Variants in DNAH14 observed in about 807,000 individuals in gnomAD.
The protein encoded by DNAH14 is dynein axonemal heavy chain 14.
A neutral mutation model predicts 520.9 loss-of-function variants in DNAH14; 478 were observed. The ratio of observed to expected loss-of-function variants is 0.92; its 90% CI spans 0.85 to 0.99. DNAH14 has a LOEUF of 0.99. Among genes scored for constraint, DNAH14 ranks in the 50% least tolerant of loss-of-function variants. The pLI, the probability that DNAH14 is intolerant of heterozygous loss-of-function variation, is 0.00. For synonymous variants in DNAH14, 1,581 were observed against 1,757.2 expected (o/e 0.90, Z 2.51); for missense variants, 4,831 against 5,234.5 (o/e 0.92, Z 2.38).
At chr1:225,060,171 C>G (rs2069826063) in intron 17 of DNAH14, among the ~76,000 whole-genome samples, 1 of 152,198 alleles carries the variant, frequency 6.6e-6, no homozygotes, top group Non-Finnish European at 1.5e-5. Flanking sequence ...TAGATTTGGT[C>G]TTTTCACATA....
At chr1:225,271,818 C>T (rs1353933658) in intron 50 of DNAH14, 88 bp from the exon 51 acceptor site, 2 of 1,006,330 alleles carry the variant, frequency 2.0e-6, no homozygotes, top group South Asian at 1.7e-5. Flanking sequence ...CATTATAGTA[C>T]ACAAGTCCGC....
chr1:225,291,454 T>C (rs908523172), intron 55 of DNAH14, among the ~76,000 whole-genome samples: 1 of 152,112 alleles, frequency 6.6e-6, no homozygotes, highest in Non-Finnish European at 1.5e-5. Context: ...TATTCCTCTG[T>C]CACCCAGGCT....
intron 69 of DNAH14, among the ~76,000 whole-genome samples, chr1:225,344,151 A>C (rs1056494240): frequency 6.6e-6 from 1 of 152,052 alleles, no homozygotes; most frequent in African/African-American, 2.4e-5. Flanking sequence ...TCTTGAAAAA[A>C]ACTAAATTAA....
intron 84 of DNAH14, chr1:225,397,820 C>G (rs190525064): frequency 0.01 from 1,594 of 152,186 alleles, 11 homozygotes; most frequent in Middle Eastern, 0.034. Context: ...CGAAGAGAGA[C>G]GGATCACTTG....
rs572693652 is a variant in DNAH14 at position 224,968,775 on chromosome 1, G to A, written c.668G>A (p.Gly223Asp). ...SFISKVINIV[G>D]SVKEVELIPT... ...ATTTTGTAGGTTATTAATATAGTTGGTAGTGTAAAGGAAGTAGAACTCATA... is the reference window on the plus strand; with the variant it reads ...ATTTTGTAGGTTATTAATATAGTTGATAGTGTAAAGGAAGTAGAACTCATA... The change falls in exon 7 of 86, where the codon GGT (glycine) becomes GAT (aspartate). Residue 223 changes from glycine to aspartate, a missense_variant. Physicochemically the swap from Gly to Asp is moderately conservative, Grantham distance 94. Coordinates refer to ENST00000682510, the MANE Select transcript of DNAH14 (RefSeq NM_001367479.1). 7 of 1,507,912 alleles carry A rather than the reference G, an allele frequency of 4.6e-6. No individual in the cohort carries two copies. The African/African-American group carries it at 7.1e-5, about 15-fold the overall frequency. The allele number at this position is 1,507,912 out of a possible 1,614,324, so 93.4% of individuals were successfully genotyped here.
chr1:225,012,788 C>T (rs770831383), intron 10 of DNAH14, among the ~76,000 whole-genome samples: 7 of 152,106 alleles, frequency 4.6e-5, no homozygotes, highest in African/African-American at 1.7e-4. Flanking sequence ...AGAAAGTTCT[C>T]GTGCTGTGTT....
At chr1:225,130,708 A>ATACC (rs58674559) in intron 27 of DNAH14, among the ~76,000 whole-genome samples, 9,806 of 143,990 alleles carry the variant, frequency 0.068, 1,296 homozygotes, top group African/African-American at 0.25. Context: ...ATTAGGAGAT[A>ATACC]TACCTAATGC....
intron 85 of DNAH14, 107 bp from the exon 86 acceptor site, chr1:225,398,947 T>A: frequency 1.1e-6 from 1 of 916,914 alleles, no homozygotes. Context: ...TAACCTTAAA[T>A]GTATCTAATT....
intron 11 of DNAH14, among the ~76,000 whole-genome samples, chr1:225,033,594 A>T (rs545331082): frequency 5.3e-5 from 8 of 151,818 alleles, no homozygotes; most frequent in African/African-American, 1.9e-4. Flanking sequence ...TTTTAAAATA[A>T]TTTTTTCTAG....
chr1:225,065,793 T>C (rs2070809915), intron 17 of DNAH14, among the ~76,000 whole-genome samples: 1 of 152,098 alleles, frequency 6.6e-6, no homozygotes, highest in African/African-American at 2.4e-5. Flanking sequence ...GTGTCCACAA[T>C]TGTCCATAAG....
At chr1:224,981,194 A>G (rs1421447503) in intron 8 of DNAH14, among the ~76,000 whole-genome samples, 2 of 152,094 alleles carry the variant, frequency 1.3e-5, no homozygotes, top group Non-Finnish European at 1.5e-5. Flanking sequence ...TAGCTAGTAT[A>G]TTGTTAAAGA....
In DNAH14 at chr1:225,240,816, C is replaced by G. The variant is rs1436645834; in HGVS notation, c.6742C>G (p.Gln2248Glu). ...TCATGAATTATTTGGAAACAGTTCACAAGTAGGTAAGTTCTGTGGGAAAAA... is the reference window on the plus strand; with the variant it reads ...TCATGAATTATTTGGAAACAGTTCAGAAGTAGGTAAGTTCTGTGGGAAAAA... ...LVHELFGNSS[Q>E]VGINLPTGEC... Residue 2248 changes from glutamine to glutamate, a missense_variant, in exon 43 of 86, where the codon CAA becomes GAA. Gln to Glu is a conservative substitution (Grantham distance 29, BLOSUM62 2). Coordinates refer to ENST00000682510, the MANE Select transcript of DNAH14 (RefSeq NM_001367479.1). The G allele has an allele frequency of 4.5e-6, 7 of 1,545,070 alleles. No homozygotes were observed. The highest frequency in any genetic ancestry group is 6.1e-6 in the Non-Finnish European group (7 of 1,141,952).
chr1:225,279,030 CTT>C (rs958047450), intron 54 of DNAH14, among the ~76,000 whole-genome samples: 5 of 152,192 alleles, frequency 3.3e-5, no homozygotes, highest in African/African-American at 1.2e-4. Context: ...AAATTTCACT[CTT>C]GTTACTCAGG....
intron 60 of DNAH14, among the ~76,000 whole-genome samples, chr1:225,310,607 C>T (rs1457493550): frequency 1.3e-5 from 2 of 152,110 alleles, no homozygotes; most frequent in African/African-American, 4.8e-5. Flanking sequence ...TAGACCCTCA[C>T]CCCCCGACAG....
Position 225,137,257 on chromosome 1 carries a change from A to T in DNAH14, c.4255-3511A>T, listed in dbSNP as rs1271411598. Reference sequence around the variant, plus strand: ...AGTGTTTTTGCATTTATTCCTTCTCATCTTTGTGGGCTTATCTACCTTTGA... The same window carrying T: ...AGTGTTTTTGCATTTATTCCTTCTCTTCTTTGTGGGCTTATCTACCTTTGA... On this transcript the variant is annotated intron_variant, in intron 27 of 85. Transcript: ENST00000682510. Among the ~76,000 whole-genome samples, 3 of 152,128 alleles carry T rather than the reference A, an allele frequency of 2.0e-5. No individual in the cohort carries two copies. In the East Asian group the frequency reaches 5.8e-4, roughly 29 times the overall value.
intron 21 of DNAH14, among the ~76,000 whole-genome samples, chr1:225,089,442 CAAAAAAAAA>C (rs1169182387): frequency 4.0e-4 from 12 of 29,898 alleles, no homozygotes; most frequent in South Asian, 1.4e-3. Context: ...AAAACTCCGT[CAAAAAAAAA>C]AAAAAAAAAA....
intron 37 of DNAH14, among the ~76,000 whole-genome samples, chr1:225,189,922 A>G (rs1292009443): frequency 6.6e-6 from 1 of 151,020 alleles, no homozygotes; most frequent in African/African-American, 2.4e-5. Context: ...TTCCTTCTTC[A>G]TTTCCTTTTC....
At chr1:225,029,306 T>A (rs2066363836) in intron 11 of DNAH14, among the ~76,000 whole-genome samples, 1 of 151,908 alleles carries the variant, frequency 6.6e-6, no homozygotes, top group East Asian at 1.9e-4. Flanking sequence ...CCTGATACAA[T>A]GTTTTAGATG....
At chr1:225,063,370 G>A (rs2070429813) in intron 17 of DNAH14, among the ~76,000 whole-genome samples, 1 of 151,884 alleles carries the variant, frequency 6.6e-6, no homozygotes, top group Admixed American at 6.6e-5. Context: ...ATTTTTATAT[G>A]GTAGGTTTTT....
Sources: gnomAD v4.1 joint callset for allele counts (sites outside exome capture counted in the v4.1 genomes callset) on GRCh38, gnomAD v4.1.1 for gene constraint, MANE v1.5 for transcripts, NCBI Gene and HGNC (gene_info 2026-07-23, HGNC 2026-07-21) for gene names.